HIF1A: variants seen among roughly 807,000 people sequenced by gnomAD.
The protein encoded by HIF1A is hypoxia inducible factor 1 subunit alpha.
In HIF1A, 24 loss-of-function variants were observed where a neutral mutation model predicts 92.7. The observed-to-expected ratio is 0.26, with a 90% CI of 0.19 to 0.36. The LOEUF (loss-of-function observed/expected upper bound fraction) is 0.36, where lower values mean the gene tolerates loss of function less well. Among genes scored for constraint, HIF1A ranks in the 10% least tolerant of loss-of-function variants. The pLI, the probability that HIF1A is intolerant of heterozygous loss-of-function variation, is 1.00. For synonymous variants in HIF1A, 319 were observed against 338.7 expected, an observed-to-expected ratio of 0.94 and a Z score of 0.64; for missense variants, 799 against 998.5, an observed-to-expected ratio of 0.80 and a Z score of 2.69.
chr14:61,708,270 G>A (rs1159725418), intron 1 of HIF1A, among the ~76,000 whole-genome samples: 1 of 152,072 alleles, frequency 6.6e-6, no homozygotes, highest in African/African-American at 2.4e-5. Context: ...TCACTCTGAT[G>A]GTAGTTTCTT....
intron 1 of HIF1A, among the ~76,000 whole-genome samples, chr14:61,706,483 A>G (rs554664288): frequency 6.6e-6 from 1 of 152,368 alleles, no homozygotes; most frequent in East Asian, 1.9e-4. Context: ...CTCACATTAC[A>G]TAGTATTGTG....
Position 61,726,919 on chromosome 14 carries a change from A to G in HIF1A, c.570+101A>G, listed in dbSNP as rs933049268. On this transcript the variant is annotated intron_variant, in intron 5 of 14. Transcript: ENST00000337138. Reference sequence around the variant, plus strand: ...ATTGTGAGGGAAGGTTTACAGTTCCATGGTGTTTGGTTATGTAACATTTAT... The same window carrying G: ...ATTGTGAGGGAAGGTTTACAGTTCCGTGGTGTTTGGTTATGTAACATTTAT... The G allele has an allele frequency of 5.7e-5, 36 of 634,602 alleles. No homozygotes were observed. In the Admixed American group the frequency reaches 8.5e-4, roughly 15 times the overall value. The allele number at this position is 634,602 out of a possible 1,614,324, so 39.3% of individuals were successfully genotyped here.
intron 6 of HIF1A, among the ~76,000 whole-genome samples, chr14:61,730,212 AC>A (rs1163222991): frequency 3.9e-5 from 6 of 152,118 alleles, no homozygotes; most frequent in Non-Finnish European, 8.8e-5. Flanking sequence ...TTTTCTGGAC[AC>A]CCCGACCCTT....
At chr14:61,712,813 C>T (rs866587475) in intron 1 of HIF1A, among the ~76,000 whole-genome samples, 2 of 151,222 alleles carry the variant, frequency 1.3e-5, no homozygotes, top group African/African-American at 2.4e-5. Flanking sequence ...GTCAAACTTA[C>T]GCACATCACT....
At chr14:61,715,663 C>G (rs2044355453) in intron 1 of HIF1A, 1 of 152,192 alleles carries the variant, frequency 6.6e-6, no homozygotes, top group Non-Finnish European at 1.5e-5. Flanking sequence ...TAGAATACCA[C>G]TGTGTTATTA....
chr14:61,701,021 G>A (rs1037595200), intron 1 of HIF1A, among the ~76,000 whole-genome samples: 4 of 152,196 alleles, frequency 2.6e-5, no homozygotes, highest in Non-Finnish European at 4.4e-5. Context: ...TGTTATGCCA[G>A]TACTTTTTCA....
intron 4 of HIF1A, 35 bp from the exon 5 acceptor site, chr14:61,726,671 A>T: frequency 7.7e-7 from 1 of 1,303,406 alleles, no homozygotes; most frequent in Non-Finnish European, 1.1e-6. Context: ...TTGTATATTT[A>T]GTTGCTTTAA....
chr14:61,739,968 A>G (rs905470782), intron 10 of HIF1A: 1 of 151,900 alleles, frequency 6.6e-6, no homozygotes, highest in Non-Finnish European at 1.5e-5. Context: ...TTTCATCTCA[A>G]TTTTGTAAAT....
intron 5 of HIF1A, among the ~76,000 whole-genome samples, 154 bp downstream of exon 5, chr14:61,726,972 C>T (rs965367274): frequency 1.3e-5 from 2 of 152,170 alleles, no homozygotes; most frequent in African/African-American, 4.8e-5. Flanking sequence ...ATGTGATCTC[C>T]AAAATGCAGA....
At chr14:61,718,485 T>A (rs929920425) in intron 1 of HIF1A, among the ~76,000 whole-genome samples, 1 of 152,182 alleles carries the variant, frequency 6.6e-6, no homozygotes, top group Non-Finnish European at 1.5e-5. Flanking sequence ...CCCCCCATCC[T>A]GGGAATGGTG....
At chr14:61,730,097 C>G (rs1232225815) in intron 6 of HIF1A, among the ~76,000 whole-genome samples, 1 of 152,042 alleles carries the variant, frequency 6.6e-6, no homozygotes, top group Non-Finnish European at 1.5e-5. Flanking sequence ...GTTCATGGCA[C>G]TAAAGTAGAA....
chr14:61,701,083 G>A (rs1490092134), intron 1 of HIF1A, among the ~76,000 whole-genome samples: 1 of 152,140 alleles, frequency 6.6e-6, no homozygotes, highest in Non-Finnish European at 1.5e-5. Flanking sequence ...TGTTGATAAA[G>A]CCCAATTTAA....
At chr14:61,742,310 TCAATAG>T (rs1233156694) in intron 12 of HIF1A, among the ~76,000 whole-genome samples, 2 of 152,190 alleles carry the variant, frequency 1.3e-5, no homozygotes, top group Admixed American at 6.5e-5. Context: ...AAGCCAGATA[TCAATAG>T]CAATAGGAAA....
At chr14:61,711,185 T>C (rs2044302904) in intron 1 of HIF1A, among the ~76,000 whole-genome samples, 1 of 150,176 alleles carries the variant, frequency 6.7e-6, no homozygotes, top group Non-Finnish European at 1.5e-5. Context: ...AACATAAAGA[T>C]GATAAAGATG....
intron 1 of HIF1A, chr14:61,697,842 TC>T: frequency 6.7e-7 from 1 of 1,501,918 alleles, no homozygotes; most frequent in African/African-American, 1.4e-5. Context: ...ATTTTTTTTT[TC>T]ATTTTAAATG....
At chr14:61,739,026 C>G (rs985094879) in intron 10 of HIF1A, among the ~76,000 whole-genome samples, 2 of 152,162 alleles carry the variant, frequency 1.3e-5, no homozygotes, top group Non-Finnish European at 2.9e-5. Flanking sequence ...ACTAGGATTA[C>G]AGGCGTGAGC....
rs549170632 is a variant in HIF1A, at chr14:61,703,371, A to T, written c.35+7532A>T. ...TTCTTATTGCAAGTAGCAAAATACA[A>T]CTCAATCTAGTTTAAGAGGGGAAAA... On this transcript the variant is annotated intron_variant, in intron 1 of 14. Transcript: ENST00000337138. Among the ~76,000 whole-genome samples the T allele has an allele frequency of 1.2e-3, 177 of 152,304 alleles. 1 individual carries two copies. The highest frequency in any genetic ancestry group is 4.0e-3 in the African/African-American group (166 of 41,552).
At chr14:61,723,707 G>A (rs1269741604) in intron 4 of HIF1A, among the ~76,000 whole-genome samples, 1 of 152,118 alleles carries the variant, frequency 6.6e-6, no homozygotes, top group Non-Finnish European at 1.5e-5. Flanking sequence ...GTGCTTCCCT[G>A]GGGCTAGACT....
intron 2 of HIF1A, among the ~76,000 whole-genome samples, chr14:61,721,226 G>A (rs1403340170): frequency 6.6e-6 from 1 of 152,180 alleles, no homozygotes; most frequent in Non-Finnish European, 1.5e-5. Context: ...GGGCGGCAGA[G>A]TGAGACTCCA....
Sources: gnomAD v4.1 joint callset for allele counts (sites outside exome capture counted in the v4.1 genomes callset) on GRCh38, gnomAD v4.1.1 for gene constraint, MANE v1.5 for transcripts, NCBI Gene and HGNC (gene_info 2026-07-23, HGNC 2026-07-21) for gene names.